Variants in GGH observed in about 807,000 individuals in gnomAD.
GGH encodes the protein gamma-Glu-X carboxypeptidase.
Under a neutral mutation model 39.2 loss-of-function variants are expected in GGH, and 18 were observed. The ratio of observed to expected loss-of-function variants is 0.46; its 90% CI spans 0.32 to 0.68. The LOEUF (loss-of-function observed/expected upper bound fraction) is 0.68, where lower values mean the gene tolerates loss of function less well. Among genes scored for constraint, GGH ranks in the 30% least tolerant of loss-of-function variants. GGH has a pLI of 0.04. For synonymous variants in GGH, 147 were observed against 138.8 expected (o/e 1.06, Z -0.42); for missense variants, 367 against 384.1 (o/e 0.96, Z 0.37).
chr8:63,036,919 C>T (rs1804920159), intron 1 of GGH, among the ~76,000 whole-genome samples: 1 of 152,144 alleles, frequency 6.6e-6, no homozygotes, highest in East Asian at 1.9e-4. Context: ...CTCTGTAAGA[C>T]CCGTATGCTC....
At chr8:63,016,175 G>A (rs1308265049) in intron 8 of GGH, among the ~76,000 whole-genome samples, 1 of 152,180 alleles carries the variant, frequency 6.6e-6, no homozygotes, top group East Asian at 1.9e-4. Flanking sequence ...GGCATTTTCA[G>A]AAAGAATGTT....
intron 7 of GGH, among the ~76,000 whole-genome samples, chr8:63,022,002 T>C (rs1804596075): frequency 6.6e-6 from 1 of 152,168 alleles, no homozygotes. Flanking sequence ...AAGCTATCTT[T>C]TCTTCTTAAA....
chr8:63,032,754 T>C (rs1234711224), intron 2 of GGH, among the ~76,000 whole-genome samples: 1 of 152,228 alleles, frequency 6.6e-6, no homozygotes, highest in African/African-American at 2.4e-5. Context: ...GATTCCAATA[T>C]ACCTTAAGTG....
chr8:63,015,969 C>T (rs1200687530), intron 8 of GGH, among the ~76,000 whole-genome samples: 1 of 152,146 alleles, frequency 6.6e-6, no homozygotes, highest in East Asian at 1.9e-4. Context: ...TGTATCATCA[C>T]TGGATGCTAC....
Position 63,038,741 on chromosome 8 carries a change from C to G in GGH, c.28G>C (p.Val10Leu). The G allele has an allele frequency of 6.3e-7, 1 of 1,580,362 alleles. No individual in the cohort carries two copies. The highest frequency in any genetic ancestry group is 1.4e-5 in the African/African-American group (1 of 72,924). Residue 10 changes from valine to leucine, a missense_variant, in exon 1 of 9, where the codon GTG becomes CTG. By Grantham distance (32) the Val-to-Leu change is conservative (BLOSUM62 1). Coordinates refer to ENST00000260118, the MANE Select transcript of GGH (RefSeq NM_003878.3). MASPGCLLC[V>L]LGLLLCGAAS... ...GCCCCGCAGAGTAGCAGGCCCAGCA[C>G]GCACAGCAGGCAGCCCGGACTGGCC...
chr8:63,019,866 C>T (rs1238196854), intron 7 of GGH, among the ~76,000 whole-genome samples: 1 of 152,080 alleles, frequency 6.6e-6, no homozygotes, highest in South Asian at 2.1e-4. Flanking sequence ...ATTCTTGTTT[C>T]CTAATCTTAA....
At chr8:63,023,428 T>C (rs1323470051) in intron 7 of GGH, 1 of 152,660 alleles carries the variant, frequency 6.6e-6, no homozygotes, top group East Asian at 1.9e-4. Context: ...ATACTATTCG[T>C]ATAGAGAGTC....
At chr8:63,029,241 C>A (rs1344885642) in intron 3 of GGH, among the ~76,000 whole-genome samples, 5 of 152,124 alleles carry the variant, frequency 3.3e-5, no homozygotes, top group Non-Finnish European at 7.4e-5. Context: ...TCTCTTCACC[C>A]CCACCTTTAA....
At chr8:63,038,242 C>T (rs2096069980) in intron 1 of GGH, among the ~76,000 whole-genome samples, 1 of 152,158 alleles carries the variant, frequency 6.6e-6, no homozygotes, top group Non-Finnish European at 1.5e-5. Flanking sequence ...TATTACAATG[C>T]ACTGGTATTT....
rs576364217 is a variant in GGH at position 63,023,068 on chromosome 8, A to G, written c.697+839T>C. Among the ~76,000 whole-genome samples the G allele has an allele frequency of 4.6e-5, 7 of 152,270 alleles. No individual in the cohort carries two copies. The South Asian group carries it at 6.2e-4, about 14-fold the overall frequency. On this transcript the variant is annotated intron_variant, in intron 7 of 8. Transcript: ENST00000260118. ...AAGCACTCATTTTCCTTCAAACTTCATATGTTGAAATTCCTTGAAGCCTGG... is the reference window on the plus strand; with the variant it reads ...AAGCACTCATTTTCCTTCAAACTTCGTATGTTGAAATTCCTTGAAGCCTGG...
chr8:63,027,211 C>T lies in GGH; in HGVS notation c.330G>A (p.Val110=), dbSNP rs1804703196. The change falls in exon 4 of 9, where the codon GTG becomes GTA. Residue 110 remains valine (V), a synonymous_variant. Coordinates refer to ENST00000260118, the MANE Select transcript of GGH (RefSeq NM_003878.3). The stretch of plus-strand genomic sequence containing the variant: ...TGGACAAGTTATAAAATATTTTGGC[C>T]ACTTTAGCATAATCTGAGCGTCTGA... The part of the protein sequence containing the change: ...VDLRRSDYAK[V]AKIFYNLSIQ... 2 of 1,569,830 alleles carry T rather than the reference C, an allele frequency of 1.3e-6. No homozygotes were observed. The highest frequency in any genetic ancestry group is 1.4e-5 in the African/African-American group (1 of 74,026).
chr8:63,037,323 G>A (rs115755610), intron 1 of GGH, among the ~76,000 whole-genome samples: 1,688 of 152,194 alleles, frequency 0.011, 31 homozygotes, highest in African/African-American at 0.038. Context: ...CATGGGGTGA[G>A]GTACCACAAA....
chr8:63,031,261 A>C (rs1342481407), intron 2 of GGH, among the ~76,000 whole-genome samples: 2 of 152,182 alleles, frequency 1.3e-5, no homozygotes, highest in South Asian at 4.1e-4. Context: ...AAGTCCAAAC[A>C]AGCTTTGCAA....
intron 3 of GGH, chr8:63,028,008 T>C (rs1434457443): frequency 2.6e-5 from 4 of 152,020 alleles, no homozygotes; most frequent in Non-Finnish European, 2.9e-5. Context: ...TCAAAAGAGG[T>C]AAGAAAAATG....
At chr8:63,027,046 G>C (rs1804699676) in intron 4 of GGH, 135 bp downstream of exon 4, 1 of 674,312 alleles carries the variant, frequency 1.5e-6, no homozygotes, top group African/African-American at 1.8e-5. Context: ...CCAAGAACAG[G>C]CACCTCAAAA....
chr8:63,035,525 C>G, intron 2 of GGH, 131 bp downstream of exon 2: 15 of 1,322,366 alleles, frequency 1.1e-5, no homozygotes, highest in Non-Finnish European at 1.5e-5. Context: ...TGGCTGGTCT[C>G]GAACTCCTGA....
At chr8:63,023,723 G>A (rs1294857000) in intron 7 of GGH, 184 bp downstream of exon 7, 1 of 387,502 alleles carries the variant, frequency 2.6e-6, no homozygotes, top group Non-Finnish European at 4.6e-6. Context: ...CCCCATTCAG[G>A]AAAATACCCA....
chr8:63,035,851 T>C, intron 1 of GGH, 81 bp from the exon 2 acceptor site: 1 of 1,199,648 alleles, frequency 8.3e-7, no homozygotes, highest in Non-Finnish European at 1.2e-6. Flanking sequence ...AGCAAAAATA[T>C]CATATTTTAT....
chr8:63,023,966 A>C lies in GGH; in HGVS notation c.638T>G (p.Phe213Cys). ...NFTMNEKLKK[F>C]FNVLTTNTDG... ...TGTATTTGTAGTTAAGACATTGAAAAACTTCTTTAACTTTTCATTCATTGT... is the reference window on the plus strand; with the variant it reads ...TGTATTTGTAGTTAAGACATTGAAACACTTCTTTAACTTTTCATTCATTGT... The change falls in exon 7 of 9, where the codon TTT (phenylalanine) becomes TGT (cysteine). Residue 213 changes from phenylalanine (F) to cysteine (C), a missense_variant. By Grantham distance (205) the Phe-to-Cys change is radical (BLOSUM62 -2). Coordinates refer to ENST00000260118, the MANE Select transcript of GGH (RefSeq NM_003878.3). 3 of 1,591,588 alleles carry C rather than the reference A, an allele frequency of 1.9e-6. No individual in the cohort carries two copies. The highest frequency in any genetic ancestry group is 2.6e-6 in the Non-Finnish European group (3 of 1,165,390).
Sources: allele counts gnomAD v4.1 joint callset (sites outside exome capture counted in the v4.1 genomes callset), GRCh38; gene constraint gnomAD v4.1.1; transcripts MANE v1.5; gene names NCBI Gene and HGNC (gene_info 2026-07-23, HGNC 2026-07-21).